Variants in SLC39A13 observed in about 807,000 individuals in gnomAD.
The protein encoded by SLC39A13 is solute carrier family 39 member 13, also known as zinc transporter ZIP13.
A neutral mutation model predicts 38.7 loss-of-function variants in SLC39A13; 18 were observed. That is an observed-to-expected ratio of 0.47 (90% CI 0.32 to 0.69). The LOEUF is 0.69. Among genes scored for constraint, SLC39A13 ranks in the 30% least tolerant of loss-of-function variants. The pLI is 0.03. For synonymous variants in SLC39A13, 212 were observed against 219.1 expected (o/e 0.97, Z 0.29); for missense variants, 395 against 490.7 (o/e 0.80, Z 1.84).
chr11:47,410,365 C>T lies in SLC39A13; in HGVS notation c.271C>T (p.Leu91=). The change falls in exon 2 of 10, where the codon CTA becomes TTA. Residue 91 remains leucine (L), a synonymous_variant. Transcript: ENST00000362021. ...SGVFPLLVIP[L]EMGTMLRSEA... ...GGTCTTCCCGTTGCTTGTCATTCCC[C>T]TAGAGATGGGGACCATGCTGCGCTC... is the stretch of plus-strand genomic sequence containing the variant. 1 of 1,614,080 alleles carries T rather than the reference C, an allele frequency of 6.2e-7. No individual in the cohort carries two copies. Among genetic ancestry groups the T allele is most frequent in the South Asian group, 1.1e-5 (1 of 91,078 alleles).
intron 6 of SLC39A13, chr11:47,414,190 C>T (rs1161734054): frequency 3.2e-6 from 2 of 618,286 alleles, no homozygotes; most frequent in Non-Finnish European, 2.9e-6. Flanking sequence ...CTCTATCCAT[C>T]CTTTCCTTCC....
At chr11:47,413,098 T>C (rs1050398691) in intron 4 of SLC39A13, among the ~76,000 whole-genome samples, 3 of 151,716 alleles carry the variant, frequency 2.0e-5, no homozygotes, top group African/African-American at 7.3e-5. Flanking sequence ...CTCGGCTCAC[T>C]ACAGCTTTCA....
rs2096023479 is a variant in SLC39A13 at position 47,415,544 on chromosome 11, G to T, written c.*181G>T. On this transcript the variant is annotated 3_prime_UTR_variant, in exon 10 of 10. Transcript: ENST00000362021. ...TGCACATGTGGCCAGAGGTGTGTGC[G>T]CGAGACCGACACTGTGATCCCTGTG... 1.4e-6 allele frequency: 1 copy of T among 716,884 alleles called. No homozygotes were observed. The highest frequency in any genetic ancestry group is 1.6e-5 in the South Asian group (1 of 62,782). The allele number at this position is 716,884 out of a possible 1,614,324, so 44.4% of individuals were successfully genotyped here. A position where few individuals can be genotyped will look rare whatever the true frequency, so the allele number is the denominator to read the frequency against.
rs2096025327 is a variant in SLC39A13 at position 47,415,875 on chromosome 11, A to G, written c.*512A>G. The G allele has an allele frequency of 4.4e-6, 1 of 226,768 alleles. No homozygotes were observed. The highest frequency in any genetic ancestry group is 5.2e-5 in the Admixed American group (1 of 19,346). 14.0% of individuals were successfully genotyped at this position (226,768 alleles called of 1,614,324 possible). ...GCCCTTCCTTCCCCACTTCTAAGCC[A>G]AAGAAAGGAGAGGCAGGTGCTCCTG... On this transcript the variant is annotated 3_prime_UTR_variant, in exon 10 of 10. Coordinates refer to ENST00000362021, the MANE Select transcript of SLC39A13 (RefSeq NM_001128225.3).
intron 2 of SLC39A13, 130 bp downstream of exon 2, chr11:47,410,525 G>A (rs909798048): frequency 8.3e-5 from 104 of 1,252,240 alleles, no homozygotes; most frequent in Admixed American, 8.1e-4. Flanking sequence ...TTCTCCCCTT[G>A]GTCCTGTAGG....
chr11:47,409,899 G>T, intron 1 of SLC39A13, 188 bp from the exon 2 acceptor site: 1 of 643,314 alleles, frequency 1.6e-6, no homozygotes, highest in Non-Finnish European at 2.7e-6. Context: ...GCAGTGCTCA[G>T]GAGTAGGGTG....
At chr11:47,407,974 A>G (rs2095978109), upstream of SLC39A13, among the ~76,000 whole-genome samples, 1 of 152,242 alleles carries the variant, frequency 6.6e-6, no homozygotes, top group Non-Finnish European at 1.5e-5. Flanking sequence ...TTGGACCCCA[A>G]AGGGTTACAA....
chr11:47,410,349 G>A lies in SLC39A13; in HGVS notation c.255G>A (p.Pro85=), dbSNP rs145309500. ...TGGTGGGGCTCAGTGGGGTCTTCCC[G>A]TTGCTTGTCATTCCCCTAGAGATGG... ...SLMVGLSGVF[P]LLVIPLEMGT... The change falls in exon 2 of 10, where the codon CCG becomes CCA. Residue 85 remains proline, a synonymous_variant. Coordinates refer to ENST00000362021, the MANE Select transcript of SLC39A13 (RefSeq NM_001128225.3). 25 of 1,613,986 alleles carry A rather than the reference G, an allele frequency of 1.5e-5. No individual in the cohort carries two copies. In the East Asian group the frequency reaches 2.0e-4, roughly 13 times the overall value.
Position 47,408,858 on chromosome 11 carries a change from T to A in SLC39A13, c.-9+196T>A, listed in dbSNP as rs1015173584. On this transcript the variant is annotated intron_variant, in intron 1 of 9. Coordinates refer to ENST00000362021, the MANE Select transcript of SLC39A13 (RefSeq NM_001128225.3). The stretch of plus-strand genomic sequence containing the variant: ...TCCCTCCCTCGCTGTCCTCTCCGCG[T>A]CCCACCCGCCTCTCTCTAGCTCTCT... 272 of 152,132 alleles carry A rather than the reference T, an allele frequency of 1.8e-3. 1 individual carries two copies. Among genetic ancestry groups the A allele is most frequent in the African/African-American group, 6.5e-3 (271 of 41,430 alleles). 9.4% of individuals were successfully genotyped at this position (152,132 alleles called of 1,614,324 possible).
chr11:47,414,392 C>T (rs775272813), intron 6 of SLC39A13, 33 bp from the exon 7 acceptor site: 1 of 1,595,482 alleles, frequency 6.3e-7, no homozygotes, highest in Non-Finnish European at 8.5e-7. Flanking sequence ...GCCCTCAACA[C>T]AGACCCCGCA....
Position 47,410,315 on chromosome 11 carries a change from G to C in SLC39A13, c.221G>C (p.Gly74Ala), listed in dbSNP as rs121434363. 1.9e-6 allele frequency: 3 copies of C among 1,614,160 alleles called. No individual in the cohort carries two copies. Among genetic ancestry groups the C allele is most frequent in the Non-Finnish European group, 2.5e-6 (3 of 1,179,998 alleles). The change falls in exon 2 of 10, where the codon GGT becomes GCT. Residue 74 changes from glycine (G) to alanine (A), a missense_variant. Gly to Ala is a moderately conservative substitution (Grantham distance 60). Coordinates refer to ENST00000362021, the MANE Select transcript of SLC39A13 (RefSeq NM_001128225.3). ...RLDTWICSLL[G>A]SLMVGLSGVF... ...GACACCTGGATCTGCTCCCTCCTGG[G>C]TTCCCTCATGGTGGGGCTCAGTGGG...
intron 7 of SLC39A13, 71 bp from the exon 8 acceptor site, chr11:47,414,706 A>AT: frequency 6.3e-7 from 1 of 1,596,548 alleles, no homozygotes; most frequent in South Asian, 1.1e-5. Flanking sequence ...CTCAGTGTGT[A>AT]TATCGTACCT....
At position 47,411,790 on chromosome 11, in the gene SLC39A13, G is replaced by A. The variant is rs1035711458; in HGVS notation, c.302-136G>A. On this transcript the variant is annotated intron_variant, in intron 2 of 9. Transcript: ENST00000362021. ...CAGGGTGTGGTGTTTCTGCTGTGAG[G>A]TGGGGGACCCAGGAAGAGCAGCCAC... 6.3e-6 allele frequency: 5 copies of A among 795,854 alleles called. No individual in the cohort carries two copies. In the East Asian group the frequency reaches 1.3e-4, roughly 21 times the overall value. 49.3% of individuals were successfully genotyped at this position (795,854 alleles called of 1,614,324 possible). A position where few individuals can be genotyped will look rare whatever the true frequency, so the allele number is the denominator to read the frequency against.
intron 4 of SLC39A13, among the ~76,000 whole-genome samples, chr11:47,412,946 G>A (rs1823702795): frequency 6.6e-6 from 1 of 151,348 alleles, no homozygotes. Flanking sequence ...ATTTTTAGTG[G>A]AGACGGGGTT....
rs892179270 is a variant in SLC39A13, at chr11:47,415,430, A to G, written c.*67A>G. ...ATGCTCGGATTCACTCTGTGACCGC[A>G]TATGTGAGAGGCAGAGAGGGCGAGT... is the stretch of plus-strand genomic sequence containing the variant. On this transcript the variant is annotated 3_prime_UTR_variant, in exon 10 of 10. Coordinates refer to ENST00000362021, the MANE Select transcript of SLC39A13 (RefSeq NM_001128225.3). 4 of 1,567,184 alleles carry G rather than the reference A, an allele frequency of 2.6e-6. No individual in the cohort carries two copies. Among genetic ancestry groups the G allele is most frequent in the Middle Eastern group, 1.7e-4 (1 of 5,986 alleles).
chr11:47,412,239 CTT>C, intron 3 of SLC39A13, 105 bp from the exon 4 acceptor site: 32 of 1,475,510 alleles, frequency 2.2e-5, no homozygotes, highest in Non-Finnish European at 2.9e-5. Flanking sequence ...CCAACCCACC[CTT>C]GTCACTGCCC....
chr11:47,412,594 C>T (rs1016317603), intron 4 of SLC39A13, 127 bp downstream of exon 4: 19 of 1,529,222 alleles, frequency 1.2e-5, no homozygotes, highest in Admixed American at 1.9e-5. Flanking sequence ...CTGGGAGCTG[C>T]GGGAGGTTGG....
chr11:47,412,522 C>T, intron 4 of SLC39A13, 55 bp downstream of exon 4: 1 of 1,612,066 alleles, frequency 6.2e-7, no homozygotes, highest in South Asian at 1.1e-5. Context: ...GTGGTAGTGC[C>T]CGGGGCCTGG....
intron 4 of SLC39A13, 91 bp downstream of exon 4, chr11:47,412,558 G>GA (rs1282425654): frequency 6.3e-7 from 1 of 1,597,068 alleles, no homozygotes; most frequent in Non-Finnish European, 8.5e-7. Flanking sequence ...GTTGAGCCCT[G>GA]AAAAGAGGGG....
Sources: gnomAD v4.1 joint callset for allele counts (sites outside exome capture counted in the v4.1 genomes callset) on GRCh38, gnomAD v4.1.1 for gene constraint, MANE v1.5 for transcripts, NCBI Gene and HGNC (gene_info 2026-07-23, HGNC 2026-07-21) for gene names.